SFI1: variants seen among roughly 807,000 people sequenced by gnomAD.
SFI1 encodes the protein protein SFI1 homolog.
In SFI1, 195 loss-of-function variants were observed where a neutral mutation model predicts 207.5. The observed-to-expected ratio is 0.94, with a 90% CI of 0.84 to 1.06. The LOEUF is 1.06. SFI1 is among the 50% of genes least tolerant of loss of function. The pLI, the probability that SFI1 is intolerant of heterozygous loss-of-function variation, is 0.00. For missense variants in SFI1, 1,634 were observed against 1,588.0 expected, an observed-to-expected ratio of 1.03 and a Z score of -0.49; for synonymous variants, 630 against 598.9, an observed-to-expected ratio of 1.05 and a Z score of -0.76.
chr22:31,525,894 G>T (rs112583505), intron 2 of SFI1, among the ~76,000 whole-genome samples: 2 of 152,220 alleles, frequency 1.3e-5, no homozygotes, highest in African/African-American at 4.8e-5. Context: ...GTGGTGTGAT[G>T]CCTCCAGCTT....
chr22:31,560,365 G>T (rs1425513116), intron 7 of SFI1, among the ~76,000 whole-genome samples: 3 of 148,834 alleles, frequency 2.0e-5, no homozygotes, highest in African/African-American at 7.4e-5. Flanking sequence ...AGATTATTTT[G>T]TGAAATCTCC....
At chr22:31,497,791 T>C (rs753632524) in intron 1 of SFI1, among the ~76,000 whole-genome samples, 1 of 152,218 alleles carries the variant, frequency 6.6e-6, no homozygotes, top group Non-Finnish European at 1.5e-5. Flanking sequence ...GTTTACTGAA[T>C]ATTTTAAGCC....
intron 8 of SFI1, among the ~76,000 whole-genome samples, chr22:31,567,775 A>G (rs1426940602): frequency 2.0e-5 from 3 of 152,226 alleles, no homozygotes; most frequent in African/African-American, 4.8e-5. Flanking sequence ...AGAGTAAATA[A>G]AAAAACAATT....
rs536825880 is a variant in SFI1 at position 31,541,790 on chromosome 22, T to C, written c.339-5071T>C. ...AATTGTGAATAAATCTGTTCAACAG[T>C]CTTTCAAATATTATAGAAATGTACA... On this transcript the variant is annotated intron_variant, in intron 4 of 32. Transcript: ENST00000400288. Among the ~76,000 whole-genome samples the C allele has an allele frequency of 3.2e-4, 47 of 148,694 alleles. 1 individual carries two copies. The South Asian group carries it at 8.7e-3, about 28-fold the overall frequency.
Position 31,611,747 on chromosome 22 carries a change from T to G in SFI1, c.2416-19T>G, listed in dbSNP as rs1274193316. On this transcript the variant is annotated intron_variant, in intron 23 of 32. Transcript: ENST00000400288. ...GGCTGGGTCAGGACGCCACTCTCTG[T>G]GCACTTGCTCTCCCCCAGCTCCTGC... 6.2e-7 allele frequency: 1 copy of G among 1,610,802 alleles called. No individual in the cohort carries two copies. The highest frequency in any genetic ancestry group is 8.5e-7 in the Non-Finnish European group (1 of 1,179,478).
At chr22:31,556,230 T>TC (rs989381118) in intron 6 of SFI1, among the ~76,000 whole-genome samples, 5 of 151,234 alleles carry the variant, frequency 3.3e-5, no homozygotes, top group African/African-American at 1.2e-4. Flanking sequence ...TCTTTTCTTT[T>TC]TTTTTTTTTT....
At chr22:31,511,414 C>T (rs141584542) in intron 2 of SFI1, among the ~76,000 whole-genome samples, 6 of 150,422 alleles carry the variant, frequency 4.0e-5, no homozygotes, top group East Asian at 2.0e-4. Context: ...AGCAAATTAA[C>T]GATGGCCTTA....
chr22:31,588,696 C>G (rs1391795101), intron 14 of SFI1, among the ~76,000 whole-genome samples: 1 of 151,978 alleles, frequency 6.6e-6, no homozygotes, highest in Non-Finnish European at 1.5e-5. Flanking sequence ...GCCTGTAGTC[C>G]CAGCTACTCG....
intron 8 of SFI1, among the ~76,000 whole-genome samples, chr22:31,565,701 AAAAT>A (rs551290438): frequency 1.4e-4 from 22 of 152,230 alleles, no homozygotes; most frequent in South Asian, 1.2e-3. Context: ...CCCTGTCTCA[AAAAT>A]AAATAAATAA....
intron 15 of SFI1, 139 bp downstream of exon 15, chr22:31,589,716 C>T (rs2065562168): frequency 2.6e-6 from 2 of 770,112 alleles, no homozygotes; most frequent in East Asian, 3.0e-5. Context: ...AATGTGGGCT[C>T]ATTGATTTCA....
chr22:31,532,695 G>T (rs1242863971), intron 4 of SFI1, among the ~76,000 whole-genome samples: 2 of 151,924 alleles, frequency 1.3e-5, no homozygotes, highest in Admixed American at 1.3e-4. Context: ...CTTCCTTTTT[G>T]TATGTTTACA....
chr22:31,496,335 T>G (rs556814412), upstream of SFI1: 1 of 152,382 alleles, frequency 6.6e-6, no homozygotes, highest in South Asian at 2.1e-4. Flanking sequence ...TCGGTGGGGA[T>G]GCCCAGAGGG....
At chr22:31,536,948 CTA>C (rs2059053746) in intron 4 of SFI1, among the ~76,000 whole-genome samples, 1 of 151,210 alleles carries the variant, frequency 6.6e-6, no homozygotes, top group Non-Finnish European at 1.5e-5. Flanking sequence ...CAGGGTCTCA[CTA>C]TGTTTTCCAG....
chr22:31,539,931 G>C (rs1382149817), intron 4 of SFI1, among the ~76,000 whole-genome samples: 2 of 152,062 alleles, frequency 1.3e-5, no homozygotes, highest in Non-Finnish European at 2.9e-5. Context: ...GGTCAGGCTG[G>C]TCTCAAACTC....
intron 3 of SFI1, among the ~76,000 whole-genome samples, chr22:31,529,227 A>C (rs1484981018): frequency 6.6e-6 from 1 of 152,192 alleles, no homozygotes; most frequent in Non-Finnish European, 1.5e-5. Flanking sequence ...TCGATTAGAT[A>C]TATTAGAGAC....
chr22:31,581,171 G>A (rs2064127376), intron 12 of SFI1, among the ~76,000 whole-genome samples: 1 of 151,684 alleles, frequency 6.6e-6, no homozygotes, highest in African/African-American at 2.4e-5. Context: ...TGTAGATGGG[G>A]TCCTACTATG....
chr22:31,562,634 A>T (rs1001405717), intron 8 of SFI1, among the ~76,000 whole-genome samples: 102 of 150,318 alleles, frequency 6.8e-4, no homozygotes, highest in African/African-American at 2.3e-3. Flanking sequence ...AGGTTTTTTT[A>T]TTTTTTTTTG....
rs192690657 is a variant in SFI1 at position 31,588,709 on chromosome 22, A to G, written c.1414-738A>G. Among the ~76,000 whole-genome samples, 339 of 152,010 alleles carry G rather than the reference A, an allele frequency of 2.2e-3. 1 individual carries two copies. The highest frequency in any genetic ancestry group is 7.5e-3 in the African/African-American group (313 of 41,492). ...ACGCCTGTAGTCCCAGCTACTCGGG[A>G]GGCTGAGGCAGGAGAATCACTTGAA... On this transcript the variant is annotated intron_variant, in intron 14 of 32. Coordinates refer to ENST00000400288, the MANE Select transcript of SFI1 (RefSeq NM_001007467.3).
intron 2 of SFI1, among the ~76,000 whole-genome samples, chr22:31,524,678 G>A (rs2057691133): frequency 7.0e-6 from 1 of 143,668 alleles, no homozygotes; most frequent in African/African-American, 2.6e-5. Flanking sequence ...GCTTCCCAAA[G>A]TTGCCCCTTT....
Sources: gnomAD v4.1 joint callset for allele counts (sites outside exome capture counted in the v4.1 genomes callset) on GRCh38, gnomAD v4.1.1 for gene constraint, MANE v1.5 for transcripts, NCBI Gene and HGNC (gene_info 2026-07-23, HGNC 2026-07-21) for gene names.